The following EPHA5 variants were observed in gnomAD, a reference collection of about 807,000 sequenced individuals.
The protein encoded by EPHA5 is ephrin type-A receptor 5.
In EPHA5, 60 loss-of-function variants were observed where a neutral mutation model predicts 105.0. The ratio of observed to expected loss-of-function variants is 0.57; its 90% CI spans 0.46 to 0.71. The LOEUF is 0.71. Ranked by LOEUF, EPHA5 falls within the 30% of genes least tolerant of loss-of-function variation. EPHA5 has a pLI of 0.00. For missense variants in EPHA5, 1,218 were observed against 1,274.7 expected, an observed-to-expected ratio of 0.96 and a Z score of 0.68; for synonymous variants, 513 against 449.1, an observed-to-expected ratio of 1.14 and a Z score of -1.80.
chr4:65,429,354 T>C (rs946442640), intron 5 of EPHA5, among the ~76,000 whole-genome samples: 6 of 151,972 alleles, frequency 3.9e-5, no homozygotes, highest in African/African-American at 7.2e-5. Flanking sequence ...GGAAATTAAG[T>C]AGTAATTAGC....
intron 11 of EPHA5, among the ~76,000 whole-genome samples, chr4:65,363,892 T>G (rs1179118205): frequency 1.3e-5 from 2 of 151,596 alleles, no homozygotes; most frequent in Admixed American, 1.3e-4. Context: ...ATATTGTTAT[T>G]TCACATATTT....
At chr4:65,666,743 G>A (rs1163964507) in intron 1 of EPHA5, among the ~76,000 whole-genome samples, 1 of 152,042 alleles carries the variant, frequency 6.6e-6, no homozygotes, top group Non-Finnish European at 1.5e-5. Flanking sequence ...AGACTAAAGG[G>A]TAAATTTTCC....
At chr4:65,535,265 C>A (rs1273991244) in intron 3 of EPHA5, among the ~76,000 whole-genome samples, 2 of 152,050 alleles carry the variant, frequency 1.3e-5, no homozygotes, top group Non-Finnish European at 2.9e-5. Flanking sequence ...CTCTGTTCCC[C>A]TTGTCATGAT....
intron 1 of EPHA5, among the ~76,000 whole-genome samples, chr4:65,645,614 C>CT (rs74429613): frequency 2.2e-3 from 309 of 143,440 alleles, no homozygotes; most frequent in Middle Eastern, 0.011. Flanking sequence ...CCATTTTTAC[C>CT]TTTTTTTTTT....
chr4:65,617,341 T>C (rs529711758), intron 2 of EPHA5, among the ~76,000 whole-genome samples: 5 of 152,220 alleles, frequency 3.3e-5, no homozygotes, highest in Admixed American at 1.3e-4. Context: ...TGATCAATTG[T>C]TGGTGTATCG....
intron 3 of EPHA5, chr4:65,574,073 C>A (rs1740532586): frequency 1.2e-6 from 2 of 1,602,064 alleles, no homozygotes; most frequent in Non-Finnish European, 1.7e-6. Flanking sequence ...TCGATATCAG[C>A]AATGTAAAAA....
chr4:65,660,718 A>G (rs994356913), intron 1 of EPHA5, among the ~76,000 whole-genome samples: 1 of 152,066 alleles, frequency 6.6e-6, no homozygotes, highest in Non-Finnish European at 1.5e-5. Flanking sequence ...CCTGGTCTCT[A>G]CATCTCCCCA....
intron 3 of EPHA5, among the ~76,000 whole-genome samples, chr4:65,503,461 T>C (rs1732693777): frequency 6.6e-6 from 1 of 151,830 alleles, no homozygotes; most frequent in Non-Finnish European, 1.5e-5. Flanking sequence ...CTAACTAGAA[T>C]GTAAGTTTAA....
At chr4:65,410,587 G>C (rs1030223384) in intron 7 of EPHA5, among the ~76,000 whole-genome samples, 3 of 152,090 alleles carry the variant, frequency 2.0e-5, no homozygotes, top group Non-Finnish European at 4.4e-5. Context: ...CATTTACAAA[G>C]GAATACAAGA....
At chr4:65,591,028 C>G (rs1386737249) in intron 3 of EPHA5, among the ~76,000 whole-genome samples, 2 of 151,986 alleles carry the variant, frequency 1.3e-5, no homozygotes, top group African/African-American at 2.4e-5. Flanking sequence ...CTTCCCCAAC[C>G]CCCTACTCCA....
intron 1 of EPHA5, among the ~76,000 whole-genome samples, chr4:65,646,303 CTA>C (rs1748107990): frequency 6.6e-6 from 1 of 152,172 alleles, no homozygotes; most frequent in South Asian, 2.1e-4. Flanking sequence ...GCCTATGAAC[CTA>C]GCCTCAGTTC....
chr4:65,540,466 T>C (rs1469399352), intron 3 of EPHA5, among the ~76,000 whole-genome samples: 7 of 151,488 alleles, frequency 4.6e-5, no homozygotes, highest in African/African-American at 1.2e-4. Flanking sequence ...AGTAATTGTT[T>C]GAAAAATAAT....
chr4:65,494,341 G>A (rs138570678), intron 4 of EPHA5, among the ~76,000 whole-genome samples: 533 of 152,116 alleles, frequency 3.5e-3, no homozygotes, highest in Middle Eastern at 0.02. Context: ...ATTTAGAGAC[G>A]GATACTAATA....
At position 65,348,078 on chromosome 4, in the gene EPHA5, G is replaced by T. The variant is rs1487634021; in HGVS notation, c.2571C>A (p.Pro857=). 2 of 1,608,262 alleles carry T rather than the reference G, an allele frequency of 1.2e-6. No homozygotes were observed. The highest frequency in any genetic ancestry group is 1.7e-6 in the Non-Finnish European group (2 of 1,177,452). Residue 857 remains proline, a synonymous_variant, in exon 14 of 17, where the codon CCC becomes CCA. Transcript: ENST00000613740. The stretch of plus-strand genomic sequence containing the variant: ...CATCTTGATTGGTCATCTCCCAGTA[G>T]GGTCTCTCTCCATAAGACACAACTT... ...MWEVVSYGER[P]YWEMTNQDVI...
intron 3 of EPHA5, among the ~76,000 whole-genome samples, chr4:65,529,199 T>A (rs1735529560): frequency 6.7e-6 from 1 of 148,594 alleles, no homozygotes; most frequent in Admixed American, 6.8e-5. Context: ...TGAAAAAAAA[T>A]AAAAGAATAC....
At chr4:65,504,478 C>G (rs1301625847) in intron 3 of EPHA5, among the ~76,000 whole-genome samples, 1 of 151,702 alleles carries the variant, frequency 6.6e-6, no homozygotes, top group African/African-American at 2.4e-5. Flanking sequence ...AAACTATTCA[C>G]TGACAAATAA....
chr4:65,646,854 A>G (rs1053907161), intron 1 of EPHA5, among the ~76,000 whole-genome samples: 1 of 152,186 alleles, frequency 6.6e-6, no homozygotes, highest in African/African-American at 2.4e-5. Flanking sequence ...ATATCTGACT[A>G]TATAACACCA....
intron 8 of EPHA5, among the ~76,000 whole-genome samples, chr4:65,384,382 A>G (rs575055543): frequency 6.8e-4 from 104 of 152,110 alleles, no homozygotes; most frequent in Non-Finnish European, 1.2e-3. Flanking sequence ...AAGAAGTCAA[A>G]CCATAACCTT....
intron 6 of EPHA5, among the ~76,000 whole-genome samples, chr4:65,418,717 T>C (rs1188939949): frequency 6.6e-6 from 1 of 152,044 alleles, no homozygotes. Context: ...AATATGTAGA[T>C]AGCCTTTCTC....
Sources: allele counts gnomAD v4.1 joint callset (sites outside exome capture counted in the v4.1 genomes callset), GRCh38; gene constraint gnomAD v4.1.1; transcripts MANE v1.5; gene names NCBI Gene and HGNC (gene_info 2026-07-23, HGNC 2026-07-21).